Variants in CACNA2D3 observed in about 807,000 individuals in gnomAD.
CACNA2D3 encodes calcium voltage-gated channel auxiliary subunit alpha2delta 3, also known as voltage-dependent calcium channel subunit alpha-2/delta-3.
A neutral mutation model predicts 160.6 loss-of-function variants in CACNA2D3; 60 were observed. The observed-to-expected ratio is 0.37, with a 90% confidence interval of 0.30 to 0.46. CACNA2D3 has a LOEUF of 0.46. CACNA2D3 is among the 20% of genes least tolerant of loss of function. CACNA2D3 has a pLI of 1.00. For missense variants in CACNA2D3, 1,205 were observed against 1,365.0 expected, an observed-to-expected ratio of 0.88 and a Z score of 1.85; for synonymous variants, 558 against 492.9, an observed-to-expected ratio of 1.13 and a Z score of -1.75.
intron 27 of CACNA2D3, among the ~76,000 whole-genome samples, chr3:54,926,170 C>T (rs1701009795): frequency 6.6e-6 from 1 of 152,126 alleles, no homozygotes; most frequent in African/African-American, 2.4e-5. Flanking sequence ...TAAAAACAAT[C>T]ATTAGTAATG....
chr3:54,850,890 G>A (rs1699043963), intron 17 of CACNA2D3, among the ~76,000 whole-genome samples: 2 of 152,174 alleles, frequency 1.3e-5, no homozygotes, highest in African/African-American at 2.4e-5. Context: ...ATGTGGGAGT[G>A]GATGAGATGG....
chr3:54,946,062 CATAAATAG>C (rs1701606818), intron 27 of CACNA2D3, among the ~76,000 whole-genome samples: 2 of 152,290 alleles, frequency 1.3e-5, no homozygotes, highest in African/African-American at 4.8e-5. Context: ...TCTAAGATGC[CATAAATAG>C]AAGTGGAAGC....
intron 2 of CACNA2D3, among the ~76,000 whole-genome samples, chr3:54,149,909 C>CTA (rs1700107914): frequency 1.1e-5 from 1 of 92,020 alleles, no homozygotes; most frequent in Non-Finnish European, 2.3e-5. Context: ...CTCTCTCTCT[C>CTA]TCTCTCTCTC....
At chr3:54,281,610 G>C (rs1702883762) in intron 2 of CACNA2D3, among the ~76,000 whole-genome samples, 1 of 152,202 alleles carries the variant, frequency 6.6e-6, no homozygotes, top group Non-Finnish European at 1.5e-5. Context: ...GAACACCTCA[G>C]AGAGCCACAG....
chr3:54,487,025 C>G (rs1363821175), intron 4 of CACNA2D3, among the ~76,000 whole-genome samples: 2 of 152,126 alleles, frequency 1.3e-5, no homozygotes, highest in South Asian at 2.1e-4. Flanking sequence ...CCTTTTCCTC[C>G]TACTCTAGAA....
At chr3:54,473,571 G>T (rs143309227) in intron 4 of CACNA2D3, among the ~76,000 whole-genome samples, 1 of 152,154 alleles carries the variant, frequency 6.6e-6, no homozygotes. Context: ...CACAGCAAAA[G>T]AAACTACCAT....
intron 33 of CACNA2D3, among the ~76,000 whole-genome samples, chr3:55,008,888 TACACACAC>T (rs4024588): frequency 2.6e-3 from 372 of 142,928 alleles, no homozygotes; most frequent in African/African-American, 5.8e-3. Context: ...CCTCCCTCTA[TACACACAC>T]ACACACACAC....
intron 5 of CACNA2D3, among the ~76,000 whole-genome samples, chr3:54,528,505 T>C (rs6790503): frequency 0.66 from 99,708 of 151,710 alleles, 32,977 homozygotes; most frequent in Non-Finnish European, 0.66. Context: ...AAAAGCCCAA[T>C]GGAAATGCCC....
rs143405473 is a variant in CACNA2D3 at position 54,285,757 on chromosome 3, C to T, written c.205-34685C>T. On this transcript the variant is annotated intron_variant, in intron 2 of 37. Transcript: ENST00000474759. ...CTTCCAGAGGAAGATCAGGCAGCAG[C>T]ATTTGCGGTTCACCAAAATCCGCTG... Among the ~76,000 whole-genome samples, 13 of 152,294 alleles carry T rather than the reference C, an allele frequency of 8.5e-5. 1 individual carries two copies. The highest frequency in any genetic ancestry group is 3.1e-4 in the African/African-American group (13 of 41,576).
intron 4 of CACNA2D3, among the ~76,000 whole-genome samples, chr3:54,427,585 T>C (rs1161469414): frequency 6.6e-6 from 1 of 152,208 alleles, no homozygotes; most frequent in Admixed American, 6.5e-5. Context: ...TAAATTTAAC[T>C]GTGCCTCCTG....
chr3:54,882,584 G>A (rs1273530999), intron 21 of CACNA2D3, among the ~76,000 whole-genome samples: 1 of 152,176 alleles, frequency 6.6e-6, no homozygotes, highest in Non-Finnish European at 1.5e-5. Context: ...GGGGAGAGTG[G>A]CTGCTTATCC....
intron 21 of CACNA2D3, among the ~76,000 whole-genome samples, chr3:54,883,825 T>TCTCC (rs1699863464): frequency 6.9e-6 from 1 of 144,320 alleles, no homozygotes; most frequent in African/African-American, 2.6e-5. Context: ...CTCTCTCTCC[T>TCTCC]CTCTCTCCCT....
chr3:54,358,731 T>C (rs1698692256), intron 3 of CACNA2D3, among the ~76,000 whole-genome samples: 1 of 152,152 alleles, frequency 6.6e-6, no homozygotes. Flanking sequence ...GCTTGGGAAA[T>C]TGTCTATGAA....
At chr3:54,581,899 A>G (rs1283336625) in intron 9 of CACNA2D3, 22 bp downstream of exon 9, 1 of 1,603,628 alleles carries the variant, frequency 6.2e-7, no homozygotes, top group Admixed American at 1.7e-5. Flanking sequence ...TCGGGGGAGC[A>G]TTCCAGTCAT....
At chr3:54,940,541 G>A (rs1314064078) in intron 27 of CACNA2D3, among the ~76,000 whole-genome samples, 3 of 152,092 alleles carry the variant, frequency 2.0e-5, no homozygotes, top group Admixed American at 1.3e-4. Context: ...ACACCAGTCC[G>A]TAAAGCCCCC....
chr3:54,218,154 G>T (rs1701497601), intron 2 of CACNA2D3, among the ~76,000 whole-genome samples: 1 of 152,160 alleles, frequency 6.6e-6, no homozygotes, highest in Non-Finnish European at 1.5e-5. Context: ...CACTTTGTGG[G>T]ACTATCCCCT....
chr3:54,544,212 G>A (rs1377884554), intron 5 of CACNA2D3, among the ~76,000 whole-genome samples: 1 of 152,154 alleles, frequency 6.6e-6, no homozygotes, highest in Non-Finnish European at 1.5e-5. Context: ...CATTTAGAGA[G>A]TGAATATTGA....
At chr3:54,767,181 TGGG>T (rs935369679) in intron 13 of CACNA2D3, among the ~76,000 whole-genome samples, 1 of 151,864 alleles carries the variant, frequency 6.6e-6, no homozygotes, top group Non-Finnish European at 1.5e-5. Flanking sequence ...TAAACAAGAT[TGGG>T]GGGAAATTAA....
chr3:54,768,512 A>G (rs1181497461), intron 13 of CACNA2D3, among the ~76,000 whole-genome samples: 1 of 152,166 alleles, frequency 6.6e-6, no homozygotes. Context: ...ACCCATTGCT[A>G]CTCAAACTTT....
Sources: gnomAD v4.1 joint callset for allele counts (sites outside exome capture counted in the v4.1 genomes callset) on GRCh38, gnomAD v4.1.1 for gene constraint, MANE v1.5 for transcripts, NCBI Gene and HGNC (gene_info 2026-07-23, HGNC 2026-07-21) for gene names.